Variants in ITPK1 observed in about 807,000 individuals in gnomAD.
ITPK1 encodes inositol 1,3,4-trisphosphate 5/6-kinase.
A neutral mutation model predicts 45.3 loss-of-function variants in ITPK1; 21 were observed. The observed-to-expected ratio is 0.46, with a 90% CI of 0.33 to 0.67. The LOEUF is 0.67. Ranked by LOEUF, ITPK1 falls within the 30% of genes least tolerant of loss-of-function variation. ITPK1 has a pLI of 0.02. For missense variants in ITPK1, 474 were observed against 573.5 expected, an observed-to-expected ratio of 0.83 and a Z score of 1.77; for synonymous variants, 258 against 253.6, an observed-to-expected ratio of 1.02 and a Z score of -0.16.
In ITPK1 at chr14:93,016,958, C is replaced by T. The variant is rs1393211592; in HGVS notation, c.121-157G>A. On this transcript the variant is annotated intron_variant, in intron 3 of 10. Coordinates refer to ENST00000267615, the MANE Select transcript of ITPK1 (RefSeq NM_014216.6). This position sits in a 1 kb window ranked among gnomAD's most constrained non-coding sequence, Gnocchi z 5.0. ...AGGAGGAGGGCTGACATGGAAAATA[C>T]AGACAGGACAAGCAGGACAAACCCT... Among the ~76,000 whole-genome samples, 1 of 152,184 alleles carries T rather than the reference C, an allele frequency of 6.6e-6. No individual in the cohort carries two copies. Among genetic ancestry groups the T allele is most frequent in the Non-Finnish European group, 1.5e-5 (1 of 68,028 alleles).
At chr14:92,988,514 C>T (rs1886614739) in intron 5 of ITPK1, among the ~76,000 whole-genome samples, 1 of 152,168 alleles carries the variant, frequency 6.6e-6, no homozygotes, top group Admixed American at 6.5e-5. Flanking sequence ...CAGAGGGCAC[C>T]CCCAGGGATG....
chr14:93,021,811 C>T (rs1888484018), intron 3 of ITPK1, among the ~76,000 whole-genome samples: 1 of 151,892 alleles, frequency 6.6e-6, no homozygotes, highest in Non-Finnish European at 1.5e-5. Flanking sequence ...CAGGCTGGGA[C>T]AAGGATGGTA....
At chr14:93,039,338 C>G (rs2139907185) in intron 3 of ITPK1, among the ~76,000 whole-genome samples, 1 of 152,176 alleles carries the variant, frequency 6.6e-6, no homozygotes, top group East Asian at 1.9e-4. Context: ...CAATCCATGT[C>G]AACAAGACGC....
At chr14:93,046,684 G>A (rs1889792015) in intron 3 of ITPK1, among the ~76,000 whole-genome samples, 1 of 152,172 alleles carries the variant, frequency 6.6e-6, no homozygotes, top group Admixed American at 6.5e-5. Flanking sequence ...CAGGAGACTG[G>A]TGTTTTTCCA....
chr14:93,045,083 C>A (rs1030520264), intron 3 of ITPK1, among the ~76,000 whole-genome samples: 1 of 152,226 alleles, frequency 6.6e-6, no homozygotes, highest in Non-Finnish European at 1.5e-5. Context: ...GCTTTTGAGC[C>A]TGAAATGGAA....
chr14:93,086,319 G>A (rs944928892), intron 2 of ITPK1, among the ~76,000 whole-genome samples: 6 of 152,214 alleles, frequency 3.9e-5, no homozygotes, highest in African/African-American at 9.6e-5. Context: ...AGAGGAGACC[G>A]AAAGACTTCA....
intron 5 of ITPK1, among the ~76,000 whole-genome samples, chr14:92,966,945 A>G (rs918251786): frequency 7.9e-5 from 12 of 152,246 alleles, no homozygotes; most frequent in Non-Finnish European, 7.3e-5. Context: ...AAATTAATTC[A>G]AAACTGATCA....
intron 4 of ITPK1, among the ~76,000 whole-genome samples, chr14:92,999,158 C>T (rs897042529): frequency 2.6e-5 from 4 of 152,198 alleles, no homozygotes; most frequent in African/African-American, 4.8e-5. Context: ...AGAGCCTGTG[C>T]GTGACCCGCC....
intron 5 of ITPK1, among the ~76,000 whole-genome samples, chr14:92,979,037 C>T (rs374477197): frequency 9.9e-5 from 15 of 152,234 alleles, no homozygotes; most frequent in Admixed American, 4.6e-4. Context: ...CCCTGCAGAG[C>T]CACAGGGGTG....
intron 2 of ITPK1, among the ~76,000 whole-genome samples, chr14:93,077,816 G>GC (rs1179452677): frequency 2.0e-5 from 3 of 152,178 alleles, no homozygotes; most frequent in Admixed American, 2.0e-4. Context: ...TTGTTCTGGG[G>GC]TATTGATTGC....
At chr14:92,988,037 T>C (rs1886583165) in intron 5 of ITPK1, among the ~76,000 whole-genome samples, 1 of 152,200 alleles carries the variant, frequency 6.6e-6, no homozygotes, top group East Asian at 1.9e-4. Flanking sequence ...TCCCCTGCAC[T>C]GAAAGGGCGG....
At chr14:92,967,789 G>T (rs1386308560) in intron 5 of ITPK1, among the ~76,000 whole-genome samples, 1 of 152,150 alleles carries the variant, frequency 6.6e-6, no homozygotes, top group Non-Finnish European at 1.5e-5. Context: ...TGGGCTAAGT[G>T]GAAGAAGCCA....
intron 3 of ITPK1, among the ~76,000 whole-genome samples, chr14:93,017,928 G>A (rs1011716455): frequency 2.0e-5 from 3 of 152,336 alleles, no homozygotes; most frequent in Admixed American, 6.5e-5. Flanking sequence ...AGTGGAGGAC[G>A]GAGACTTTTA....
intron 9 of ITPK1, among the ~76,000 whole-genome samples, chr14:92,948,771 G>A (rs1472714584): frequency 1.4e-5 from 2 of 142,274 alleles, no homozygotes; most frequent in Non-Finnish European, 3.1e-5. Context: ...GGAGGGAAGC[G>A]CTGAGCAGGG....
intron 3 of ITPK1, among the ~76,000 whole-genome samples, chr14:93,062,857 C>G (rs1184591552): frequency 1.3e-5 from 2 of 152,168 alleles, no homozygotes; most frequent in African/African-American, 2.4e-5. Context: ...GGGCAGGGGT[C>G]CTTGTCCCTG....
Position 92,938,321 on chromosome 14 carries a change from A to C in ITPK1, c.*3240T>G, listed in dbSNP as rs1268139750. ...CCCAGGGACATTAGTGAAGCCATTC[A>C]GCAGTTGTGGCCAGTGGCCAATGTG... On this transcript the variant is annotated 3_prime_UTR_variant, in exon 11 of 11. Transcript: ENST00000267615. The C allele has an allele frequency of 2.4e-5, 16 of 661,422 alleles. No individual in the cohort carries two copies. The highest frequency in any genetic ancestry group is 2.8e-6 in the Non-Finnish European group (1 of 361,480). 41.0% of individuals were successfully genotyped at this position (661,422 alleles called of 1,614,324 possible).
At position 92,977,555 on chromosome 14, in the gene ITPK1, G is replaced by A. The variant is rs184937341; in HGVS notation, c.365-14706C>T. Reference sequence around the variant, plus strand: ...ATTGTAATTCCCAGCATCGGGGGAGGACCTGGTGAAAGGTGACTAGATCAT... The same window carrying A: ...ATTGTAATTCCCAGCATCGGGGGAGAACCTGGTGAAAGGTGACTAGATCAT... On this transcript the variant is annotated intron_variant, in intron 5 of 10. Transcript: ENST00000267615. Among the ~76,000 whole-genome samples the A allele has an allele frequency of 2.0e-5, 3 of 149,738 alleles. No homozygotes were observed. In the East Asian group the frequency reaches 5.8e-4, roughly 29 times the overall value.
At chr14:93,074,782 C>T (rs935582446) in intron 3 of ITPK1, among the ~76,000 whole-genome samples, 2 of 152,174 alleles carry the variant, frequency 1.3e-5, no homozygotes, top group African/African-American at 4.8e-5. Flanking sequence ...GAAGCCACCG[C>T]ATCCTAGAGG....
chr14:92,990,527 C>T lies in ITPK1; in HGVS notation c.364+3353G>A, dbSNP rs143177769. Among the ~76,000 whole-genome samples the T allele has an allele frequency of 1.3e-3, 205 of 152,304 alleles. 2 individuals carry two copies. The highest frequency in any genetic ancestry group is 6.0e-3 in the East Asian group (31 of 5,186). Reference sequence around the variant, plus strand: ...AAAGCAACTTGAATGCTAATTGATACGAAGTGGGTGGGTTTGAAGCTGCCA... The same window carrying T: ...AAAGCAACTTGAATGCTAATTGATATGAAGTGGGTGGGTTTGAAGCTGCCA... On this transcript the variant is annotated intron_variant, in intron 5 of 10. Coordinates refer to ENST00000267615, the MANE Select transcript of ITPK1 (RefSeq NM_014216.6).
Sources: allele counts gnomAD v4.1 joint callset (sites outside exome capture counted in the v4.1 genomes callset), GRCh38; gene constraint gnomAD v4.1.1; non-coding constraint Gnocchi (gnomAD v3.1); transcripts MANE v1.5; gene names NCBI Gene and HGNC (gene_info 2026-07-23, HGNC 2026-07-21).